HEMK2: variants seen among roughly 807,000 people sequenced by gnomAD.
HEMK2 encodes the protein HemK methyltransferase 2, ETF1 glutamine and histone H4 lysine, also known as methyltransferase HEMK2.
the HEMK2 span, among the ~76,000 whole-genome samples, chr21:28,881,624 AATTT>A: frequency 8.3e-6 from 1 of 121,030 alleles, no homozygotes; most frequent in South Asian, 3.1e-4. Flanking sequence ...TGAAGCCATC[AATTT>A]TTTTTTTTTT....
chr21:28,578,954 A>G, the HEMK2 span, among the ~76,000 whole-genome samples: 1 of 152,220 alleles, frequency 6.6e-6, no homozygotes, highest in Non-Finnish European at 1.5e-5. Flanking sequence ...AATTAAATGT[A>G]ATGTCAGGAA....
the HEMK2 span, among the ~76,000 whole-genome samples, chr21:28,742,855 C>T: frequency 6.6e-6 from 1 of 152,064 alleles, no homozygotes; most frequent in Non-Finnish European, 1.5e-5. Flanking sequence ...TTTTCTAGCA[C>T]AACAGTATAA....
chr21:28,699,756 G>A, the HEMK2 span, among the ~76,000 whole-genome samples: 1 of 152,140 alleles, frequency 6.6e-6, no homozygotes, highest in Non-Finnish European at 1.5e-5. Context: ...AAACATGTCT[G>A]TCCTCTTTTC....
At chr21:28,800,451 G>A in the HEMK2 span, among the ~76,000 whole-genome samples, 1 of 151,898 alleles carries the variant, frequency 6.6e-6, no homozygotes, top group Non-Finnish European at 1.5e-5. Flanking sequence ...CCCTGCATTT[G>A]GCAGGTCCTG....
At chr21:28,787,587 G>A in the HEMK2 span, among the ~76,000 whole-genome samples, 11,978 of 152,118 alleles carry the variant, frequency 0.079, 524 homozygotes, top group Middle Eastern at 0.12. Context: ...CATACAAATG[G>A]CCAACAAACA....
the HEMK2 span, among the ~76,000 whole-genome samples, chr21:28,858,098 T>C: frequency 1.4e-4 from 21 of 152,232 alleles, no homozygotes; most frequent in African/African-American, 4.8e-4. Flanking sequence ...TCCTTTCTTT[T>C]TATTTGAATA....
chr21:28,879,800 T>C, the HEMK2 span: 1 of 1,174,470 alleles, frequency 8.5e-7, no homozygotes, highest in East Asian at 2.7e-5. Context: ...TGTCATAGGA[T>C]GACATTCATT....
At chr21:28,784,143 G>A in the HEMK2 span, among the ~76,000 whole-genome samples, 1 of 152,248 alleles carries the variant, frequency 6.6e-6, no homozygotes, top group East Asian at 1.9e-4. Context: ...AAGAGTGCGG[G>A]CACACAGCGC....
chr21:28,585,563 T>G, the HEMK2 span, among the ~76,000 whole-genome samples: 2 of 151,608 alleles, frequency 1.3e-5, 1 homozygote, highest in African/African-American at 4.8e-5. Flanking sequence ...AAATAAAGAA[T>G]TTCTAGAAAT....
At chr21:28,673,020 AAGAAAGAG>A in the HEMK2 span, among the ~76,000 whole-genome samples, 1 of 149,780 alleles carries the variant, frequency 6.7e-6, no homozygotes, top group South Asian at 2.2e-4. Flanking sequence ...GAAAGAAAGA[AAGAAAGAG>A]AAAGGAGAGA....
At chr21:28,806,590 G>C in the HEMK2 span, among the ~76,000 whole-genome samples, 1 of 152,168 alleles carries the variant, frequency 6.6e-6, no homozygotes, top group Non-Finnish European at 1.5e-5. Flanking sequence ...GTATTGGGCA[G>C]TCCCACAGAG....
the HEMK2 span, among the ~76,000 whole-genome samples, chr21:28,731,059 AC>A: frequency 6.6e-6 from 1 of 152,168 alleles, no homozygotes. Context: ...GCTGTGTCAT[AC>A]CCATCAATTG....
the HEMK2 span, among the ~76,000 whole-genome samples, chr21:28,621,012 T>G: frequency 6.7e-6 from 1 of 149,358 alleles, no homozygotes; most frequent in Admixed American, 6.9e-5. Context: ...TCTATCTAGT[T>G]GGTTAATCTT....
the HEMK2 span, among the ~76,000 whole-genome samples, chr21:28,663,812 T>C: frequency 2.6e-5 from 4 of 152,232 alleles, no homozygotes; most frequent in Admixed American, 2.6e-4. Context: ...ATAAATTGTA[T>C]AAATGAAACA....
At chr21:28,880,514 C>G in the HEMK2 span, among the ~76,000 whole-genome samples, 3 of 152,038 alleles carry the variant, frequency 2.0e-5, no homozygotes, top group Non-Finnish European at 4.4e-5. Flanking sequence ...GGCGGATCAT[C>G]CGAGCTCAGG....
the HEMK2 span, among the ~76,000 whole-genome samples, chr21:28,682,859 A>G: frequency 6.6e-6 from 1 of 152,198 alleles, no homozygotes; most frequent in Non-Finnish European, 1.5e-5. Context: ...CAATGAGAAC[A>G]CATGGACACA....
At chr21:28,662,304 T>TA in the HEMK2 span, among the ~76,000 whole-genome samples, 2 of 152,168 alleles carry the variant, frequency 1.3e-5, no homozygotes, top group African/African-American at 2.4e-5. Flanking sequence ...GCCCCACTGA[T>TA]AGACTTTTGC....
chr21:28,777,207 G>A, the HEMK2 span, among the ~76,000 whole-genome samples: 1 of 152,172 alleles, frequency 6.6e-6, no homozygotes, highest in Non-Finnish European at 1.5e-5. Flanking sequence ...AAGCAGCAAA[G>A]CAATATCATC....
At chr21:28,681,947 C>G in the HEMK2 span, among the ~76,000 whole-genome samples, 5 of 152,142 alleles carry the variant, frequency 3.3e-5, no homozygotes, top group Admixed American at 6.5e-5. Flanking sequence ...CCATGAAAAC[C>G]CTAGAAGAAA....
Sources: allele counts gnomAD v4.1 joint callset (sites outside exome capture counted in the v4.1 genomes callset), GRCh38; gene constraint gnomAD v4.1.1; transcripts MANE v1.5; gene names NCBI Gene and HGNC (gene_info 2026-07-23, HGNC 2026-07-21).